LRP1B: variants seen among roughly 807,000 people sequenced by gnomAD.
The protein encoded by LRP1B is LDL receptor related protein 1B.
A neutral mutation model predicts 556.6 loss-of-function variants in LRP1B; 217 were observed. The ratio of observed to expected loss-of-function variants is 0.39; its 90% CI spans 0.35 to 0.44. The LOEUF (loss-of-function observed/expected upper bound fraction) is 0.44. LRP1B is among the 20% of genes least tolerant of loss of function. The pLI, the probability that LRP1B is intolerant of heterozygous loss-of-function variation, is 1.00. For missense variants in LRP1B, 5,053 were observed against 5,620.8 expected, an observed-to-expected ratio of 0.90 and a Z score of 3.23; for synonymous variants, 2,047 against 1,865.8, an observed-to-expected ratio of 1.10 and a Z score of -2.50.
In LRP1B at chr2:141,188,621, G is replaced by A. The variant is rs1681366982; in HGVS notation, c.851-38C>T. 5.1e-6 allele frequency: 8 copies of A among 1,570,428 alleles called. No individual in the cohort carries two copies. The East Asian group carries it at 1.6e-4, about 31-fold the overall frequency. On this transcript the variant is annotated intron_variant, in intron 6 of 90. Transcript: ENST00000389484. ...TACACAAAATCATTGAATCACAGGT[G>A]CAATCTAGCATCATGATCCAAAAAT...
chr2:141,795,860 ATATATATATATATATATATATATAT>A (rs1695788927), intron 2 of LRP1B, among the ~76,000 whole-genome samples: 7 of 69,344 alleles, frequency 1.0e-4, no homozygotes, highest in Non-Finnish European at 2.3e-4. Flanking sequence ...CAGGAGCAAT[ATATATATATATATATATATATATAT>A]ATATATATAT....
intron 23 of LRP1B, among the ~76,000 whole-genome samples, chr2:140,894,942 CAAA>C (rs553164109): frequency 8.9e-5 from 10 of 112,958 alleles, no homozygotes; most frequent in Admixed American, 9.5e-5. Context: ...GACTCTGCCT[CAAA>C]AAAAAAAAAA....
chr2:141,088,798 T>C (rs1558852446), intron 7 of LRP1B, among the ~76,000 whole-genome samples: 1 of 152,160 alleles, frequency 6.6e-6, no homozygotes, highest in African/African-American at 2.4e-5. Flanking sequence ...AATAAACTTA[T>C]TGGTCCTTTA....
intron 1 of LRP1B, among the ~76,000 whole-genome samples, chr2:141,874,350 C>T (rs1367730023): frequency 6.6e-6 from 1 of 151,536 alleles, no homozygotes; most frequent in Non-Finnish European, 1.5e-5. Context: ...GGTCTGGGCA[C>T]ATAGTGCTTT....
chr2:140,767,340 G>A (rs1689155440), intron 35 of LRP1B, among the ~76,000 whole-genome samples: 1 of 151,976 alleles, frequency 6.6e-6, no homozygotes, highest in African/African-American at 2.4e-5. Context: ...TAGGCAAAAT[G>A]TAAAGAACAA....
chr2:140,966,855 A>G (rs1205148085), intron 18 of LRP1B, among the ~76,000 whole-genome samples: 1 of 151,836 alleles, frequency 6.6e-6, no homozygotes, highest in African/African-American at 2.4e-5. Flanking sequence ...ATGGTTGTAG[A>G]TGTGTGGTAT....
At chr2:141,497,663 A>T (rs1362102797) in intron 2 of LRP1B, among the ~76,000 whole-genome samples, 1 of 151,992 alleles carries the variant, frequency 6.6e-6, no homozygotes, top group Non-Finnish European at 1.5e-5. Flanking sequence ...TACGATTGAA[A>T]AGCTATAAAA....
At position 141,531,774 on chromosome 2, in the gene LRP1B, A is replaced by G. The variant is rs185365838; in HGVS notation, c.206-51241T>C. Among the ~76,000 whole-genome samples the G allele has an allele frequency of 3.3e-5, 5 of 152,290 alleles. No individual in the cohort carries two copies. The East Asian group carries it at 9.6e-4, about 29-fold the overall frequency. On this transcript the variant is annotated intron_variant, in intron 2 of 90. Coordinates refer to ENST00000389484, the MANE Select transcript of LRP1B (RefSeq NM_018557.3). ...CTGTTCTGACAGATTAGGGTTTGTA[A>G]TTAAAATCAAAGCCAAAGAGAATAA... is the stretch of plus-strand genomic sequence containing the variant.
chr2:141,452,467 T>G (rs1338758940), intron 3 of LRP1B, among the ~76,000 whole-genome samples: 1 of 152,226 alleles, frequency 6.6e-6, no homozygotes, highest in African/African-American at 2.4e-5. Flanking sequence ...AATATTCTGT[T>G]AACTTAAACC....
chr2:140,425,175 T>C (rs901764010), intron 66 of LRP1B, among the ~76,000 whole-genome samples: 2 of 152,092 alleles, frequency 1.3e-5, no homozygotes, highest in Non-Finnish European at 1.5e-5. Flanking sequence ...TGTACCCCTA[T>C]ATTGCCCATC....
chr2:141,516,494 T>C (rs1574035227), intron 2 of LRP1B, among the ~76,000 whole-genome samples: 1 of 152,096 alleles, frequency 6.6e-6, no homozygotes, highest in East Asian at 1.9e-4. Context: ...GTTGAGAAAA[T>C]GTATTTATTC....
At chr2:141,810,165 G>GAAAGAAAGAAAGAAAT (rs1217792565) in intron 2 of LRP1B, 114 bp downstream of exon 2, 9 of 365,398 alleles carry the variant, frequency 2.5e-5, no homozygotes, top group African/African-American at 9.1e-5. Context: ...AAGAAAGAAA[G>GAAAGAAAGAAAGAAAT]AAGGAAAGAA....
chr2:141,297,283 T>C (rs1035887506), intron 3 of LRP1B, among the ~76,000 whole-genome samples: 16 of 152,264 alleles, frequency 1.1e-4, no homozygotes, highest in African/African-American at 3.6e-4. Context: ...TCAGAATGGC[T>C]ATTACTAAAA....
At chr2:140,339,568 G>A (rs1483931781) in intron 77 of LRP1B, among the ~76,000 whole-genome samples, 1 of 151,582 alleles carries the variant, frequency 6.6e-6, no homozygotes, top group African/African-American at 2.4e-5. Flanking sequence ...CCACTGTCAA[G>A]AAATTGTGTG....
chr2:140,715,118 G>C (rs548837311), intron 37 of LRP1B, among the ~76,000 whole-genome samples: 8 of 151,996 alleles, frequency 5.3e-5, no homozygotes, highest in Admixed American at 2.6e-4. Flanking sequence ...GATTGTGAAA[G>C]GAAAAAGAGA....
rs184552231 is a variant in LRP1B, at chr2:142,069,016, C to T, written c.82+61632G>A. Among the ~76,000 whole-genome samples, 59 of 151,290 alleles carry T rather than the reference C, an allele frequency of 3.9e-4. 1 individual carries two copies. The South Asian group carries it at 1.0e-2, about 26-fold the overall frequency. On this transcript the variant is annotated intron_variant, in intron 1 of 90. Transcript: ENST00000389484. The stretch of plus-strand genomic sequence containing the variant: ...TCTCTCTCTGTCTCTCTCTCTATGT[C>T]GCTCTCCCTCTCTCTGTCTCTCCTT...
chr2:141,917,489 G>A (rs888997415), intron 1 of LRP1B, among the ~76,000 whole-genome samples: 1 of 152,164 alleles, frequency 6.6e-6, no homozygotes, highest in Non-Finnish European at 1.5e-5. Context: ...ATCACTCAAA[G>A]TGCAAAAGTA....
At chr2:140,486,588 T>C (rs1688482431) in intron 58 of LRP1B, among the ~76,000 whole-genome samples, 1 of 151,764 alleles carries the variant, frequency 6.6e-6, no homozygotes, top group Non-Finnish European at 1.5e-5. Flanking sequence ...TAGTAAAGTA[T>C]CTTAAAAAAA....
At chr2:141,751,451 G>A (rs1217017569) in intron 2 of LRP1B, among the ~76,000 whole-genome samples, 2 of 152,046 alleles carry the variant, frequency 1.3e-5, no homozygotes, top group African/African-American at 4.8e-5. Context: ...AAATAAATGT[G>A]TTGTGATAAA....
Sources: allele counts gnomAD v4.1 joint callset (sites outside exome capture counted in the v4.1 genomes callset), GRCh38; gene constraint gnomAD v4.1.1; transcripts MANE v1.5; gene names NCBI Gene and HGNC (gene_info 2026-07-23, HGNC 2026-07-21).